The following BAIAP2L1 variants were observed in gnomAD, a reference collection of about 807,000 sequenced individuals.
BAIAP2L1 encodes BAR/IMD domain-containing adapter protein 2-like 1.
In BAIAP2L1, 35 loss-of-function variants were observed where a neutral mutation model predicts 66.3. The observed-to-expected ratio is 0.53, with a 90% confidence interval of 0.40 to 0.70. The LOEUF (loss-of-function observed/expected upper bound fraction) is 0.70. Among genes scored for constraint, BAIAP2L1 ranks in the 30% least tolerant of loss-of-function variants. BAIAP2L1 has a pLI of 0.00. For missense variants in BAIAP2L1, 622 were observed against 656.9 expected, an observed-to-expected ratio of 0.95 and a Z score of 0.58; for synonymous variants, 269 against 248.7, an observed-to-expected ratio of 1.08 and a Z score of -0.77.
chr7:98,320,249 A>T lies in BAIAP2L1; in HGVS notation c.264T>A (p.Ser88Arg). Residue 88 changes from serine (S) to arginine (R), a missense_variant, in exon 4 of 14, where the codon AGT becomes AGA. Transcript: ENST00000005260. The stretch of plus-strand genomic sequence containing the variant: ...ACAGATCACGTACATTTTCATCAAG[A>T]CTCTCGTTGAGTTTCTTGTGGGTAC... ...ISSTHKKLNE[S>R]LDENFKKFHK... is the part of the protein sequence containing the mutation. The T allele has an allele frequency of 1.2e-6, 2 of 1,608,804 alleles. No homozygotes were observed. Among genetic ancestry groups the T allele is most frequent in the Non-Finnish European group, 1.7e-6 (2 of 1,176,520 alleles).
At chr7:98,362,768 C>T (rs1217983926) in intron 1 of BAIAP2L1, among the ~76,000 whole-genome samples, 1 of 152,148 alleles carries the variant, frequency 6.6e-6, no homozygotes, top group Non-Finnish European at 1.5e-5. Flanking sequence ...GAGTGGATTG[C>T]TAATGGTTCT....
At chr7:98,354,944 G>T in intron 3 of BAIAP2L1, 98 bp downstream of exon 3, 1 of 878,868 alleles carries the variant, frequency 1.1e-6, no homozygotes, top group Non-Finnish European at 1.9e-6. Flanking sequence ...TGCTGGCCCA[G>T]ATCTCTCCTC....
At chr7:98,355,191 G>A (rs2115693926) in intron 2 of BAIAP2L1, 63 bp from the exon 3 acceptor site, 1 of 1,203,416 alleles carries the variant, frequency 8.3e-7, no homozygotes. Context: ...AGCAACACAA[G>A]TTTTCTTCCA....
intron 6 of BAIAP2L1, 89 bp from the exon 7 acceptor site, chr7:98,315,701 T>C (rs1801054530): frequency 1.8e-6 from 1 of 567,624 alleles, no homozygotes; most frequent in Admixed American, 4.6e-5. Flanking sequence ...TCTTCTGCCA[T>C]CTTTACACCT....
chr7:98,362,787 T>C (rs953905743), intron 1 of BAIAP2L1, among the ~76,000 whole-genome samples: 10 of 152,182 alleles, frequency 6.6e-5, no homozygotes, highest in Admixed American at 4.6e-4. Context: ...CTCATTCTAG[T>C]GTTAAGGAAC....
chr7:98,313,759 C>A (rs1316626846), intron 7 of BAIAP2L1, among the ~76,000 whole-genome samples: 1 of 151,490 alleles, frequency 6.6e-6, no homozygotes, highest in East Asian at 1.9e-4. Context: ...GCTGGGGCCA[C>A]AGATGCACAT....
At chr7:98,351,859 T>G (rs1321119278) in intron 3 of BAIAP2L1, among the ~76,000 whole-genome samples, 1 of 152,136 alleles carries the variant, frequency 6.6e-6, no homozygotes, top group Admixed American at 6.6e-5. Context: ...CTGCTAGACA[T>G]CAGAAATGGC....
At position 98,293,474 on chromosome 7, in the gene BAIAP2L1, C is replaced by G; in HGVS notation, c.*47G>C. 1 of 1,565,828 alleles carries G rather than the reference C, an allele frequency of 6.4e-7. No individual in the cohort carries two copies. On this transcript the variant is annotated 3_prime_UTR_variant, in exon 14 of 14. Transcript: ENST00000005260. ...TGGCAGACAGGATGCGCCCATCATTCCGCAAGGGAGAACCGGAGAGGCCCG... is the reference window on the plus strand; with the variant it reads ...TGGCAGACAGGATGCGCCCATCATTGCGCAAGGGAGAACCGGAGAGGCCCG...
At chr7:98,354,259 C>A (rs557264562) in intron 3 of BAIAP2L1, among the ~76,000 whole-genome samples, 2 of 152,202 alleles carry the variant, frequency 1.3e-5, no homozygotes, top group South Asian at 4.2e-4. Flanking sequence ...CATCGAGAAA[C>A]CATGTGACTT....
At chr7:98,317,876 G>A (rs1333108115) in intron 5 of BAIAP2L1, among the ~76,000 whole-genome samples, 1 of 139,242 alleles carries the variant, frequency 7.2e-6, no homozygotes, top group Non-Finnish European at 1.5e-5. Flanking sequence ...CCCTCACTCT[G>A]CAGTTCACAC....
chr7:98,318,817 G>A (rs1801157034), intron 5 of BAIAP2L1, among the ~76,000 whole-genome samples: 1 of 151,608 alleles, frequency 6.6e-6, no homozygotes, highest in African/African-American at 2.4e-5. Context: ...AGTGGTGGGT[G>A]CCTGTAATCC....
Position 98,306,421 on chromosome 7 carries a change from A to G in BAIAP2L1, c.1241+18T>C. The G allele has an allele frequency of 6.2e-7, 1 of 1,613,976 alleles. No individual in the cohort carries two copies. Among genetic ancestry groups the G allele is most frequent in the Non-Finnish European group, 8.5e-7 (1 of 1,179,848 alleles). On this transcript the variant is annotated intron_variant, in intron 11 of 13. Transcript: ENST00000005260. ...GGGGTTTCTGTCACCGGGAGAGCTC[A>G]GCCACGTTCAGGGCTACCTTGGCGT...
At chr7:98,314,598 G>T (rs1801002224) in intron 7 of BAIAP2L1, among the ~76,000 whole-genome samples, 1 of 152,214 alleles carries the variant, frequency 6.6e-6, no homozygotes, top group Non-Finnish European at 1.5e-5. Flanking sequence ...GTTGGAAGGA[G>T]GGTGATGAGG....
Position 98,292,663 on chromosome 7 carries a change from C to T in BAIAP2L1, c.*858G>A. On this transcript the variant is annotated 3_prime_UTR_variant, in exon 14 of 14. Transcript: ENST00000005260. ...GGCACCAGAGGTCATCCTGGCTTTA[C>T]ACGTATCCTTTGAGAGTCTGTACCT... The T allele has an allele frequency of 6.4e-7, 1 of 1,551,686 alleles. No homozygotes were observed. The highest frequency in any genetic ancestry group is 8.7e-7 in the Non-Finnish European group (1 of 1,147,000).
chr7:98,393,652 C>T (rs9648916), intron 1 of BAIAP2L1, among the ~76,000 whole-genome samples: 232 of 151,548 alleles, frequency 1.5e-3, no homozygotes, highest in Non-Finnish European at 2.6e-3. Flanking sequence ...CTCCCGCCAC[C>T]GCGCCTGGAT....
chr7:98,346,984 G>A (rs1801884728), intron 3 of BAIAP2L1, among the ~76,000 whole-genome samples: 1 of 145,296 alleles, frequency 6.9e-6, no homozygotes, highest in Non-Finnish European at 1.5e-5. Context: ...CAGGGAAAGC[G>A]ATGCCAGCAA....
At chr7:98,322,957 A>G (rs550073836) in intron 3 of BAIAP2L1, 1 of 152,340 alleles carries the variant, frequency 6.6e-6, no homozygotes, top group South Asian at 2.1e-4. Flanking sequence ...AGATAAGCAG[A>G]ACTTGCAGGG....
At chr7:98,300,247 G>GAAC (rs1800364629) in intron 12 of BAIAP2L1, among the ~76,000 whole-genome samples, 1 of 80,606 alleles carries the variant, frequency 1.2e-5, no homozygotes, top group Admixed American at 1.4e-4. Flanking sequence ...AGGAGGCCCA[G>GAAC]AACACACAGC....
At chr7:98,350,121 A>G (rs1296174331) in intron 3 of BAIAP2L1, among the ~76,000 whole-genome samples, 1 of 152,102 alleles carries the variant, frequency 6.6e-6, no homozygotes, top group African/African-American at 2.4e-5. Context: ...GGGGGGAAAA[A>G]AAAAAAGAAC....
Sources: allele counts gnomAD v4.1 joint callset (sites outside exome capture counted in the v4.1 genomes callset), GRCh38; gene constraint gnomAD v4.1.1; transcripts MANE v1.5; gene names NCBI Gene and HGNC (gene_info 2026-07-23, HGNC 2026-07-21).